METTL15: variants seen among roughly 807,000 people sequenced by gnomAD.
The protein encoded by METTL15 is methyltransferase 15, mitochondrial 12S rRNA N4-cytidine, also known as 12S rRNA N(4)-cytidine methyltransferase METTL15.
In METTL15, 34 loss-of-function variants were observed where a neutral mutation model predicts 38.3. The ratio of observed to expected loss-of-function variants is 0.89; its 90% CI spans 0.68 to 1.18. The LOEUF is 1.18. Among genes scored for constraint, METTL15 ranks in the 50% most tolerant of loss-of-function variants. The pLI, the probability that METTL15 is intolerant of heterozygous loss-of-function variation, is 0.00. For synonymous variants in METTL15, 162 were observed against 170.9 expected (o/e 0.95, Z 0.41); for missense variants, 438 against 498.4 (o/e 0.88, Z 1.15).
intron 3 of METTL15, among the ~76,000 whole-genome samples, chr11:28,140,136 G>T (rs532449676): frequency 4.6e-5 from 7 of 152,312 alleles, no homozygotes; most frequent in African/African-American, 1.7e-4. Context: ...GTGGCCCTTG[G>T]GGTGGGGGTG....
chr11:28,441,948 A>G (rs538771755), intron 6 of METTL15, among the ~76,000 whole-genome samples: 4 of 152,206 alleles, frequency 2.6e-5, no homozygotes, highest in Non-Finnish European at 4.4e-5. Context: ...AAATGTTCCA[A>G]GATGCTTTTT....
chr11:28,160,265 AATATATATATTCCATT>A (rs1037510559), intron 3 of METTL15, among the ~76,000 whole-genome samples: 6 of 151,922 alleles, frequency 3.9e-5, no homozygotes, highest in Non-Finnish European at 8.8e-5. Flanking sequence ...TCGTTATTGG[AATATATATATTCCATT>A]ATATATATAT....
At chr11:28,190,108 G>C (rs1024878720) in intron 3 of METTL15, among the ~76,000 whole-genome samples, 1 of 151,006 alleles carries the variant, frequency 6.6e-6, no homozygotes, top group Non-Finnish European at 1.5e-5. Flanking sequence ...TTGATTTAGT[G>C]CTGTTTATTA....
At chr11:28,501,049 T>C (rs1226779171) in intron 6 of METTL15, among the ~76,000 whole-genome samples, 1 of 152,218 alleles carries the variant, frequency 6.6e-6, no homozygotes, top group East Asian at 1.9e-4. Context: ...ATTCTCATAT[T>C]CCCACTATCC....
chr11:28,410,973 C>A (rs1460940759), intron 5 of METTL15, among the ~76,000 whole-genome samples: 3 of 151,744 alleles, frequency 2.0e-5, no homozygotes, highest in African/African-American at 7.3e-5. Context: ...ATACAAACAA[C>A]CTTGCTAAAG....
At chr11:28,174,835 A>T (rs1221998925) in intron 3 of METTL15, among the ~76,000 whole-genome samples, 6 of 151,136 alleles carry the variant, frequency 4.0e-5, no homozygotes. Context: ...AAAAAACATA[A>T]AAAAGCAAAA....
intron 3 of METTL15, among the ~76,000 whole-genome samples, chr11:28,115,186 C>G (rs955064382): frequency 6.6e-6 from 1 of 152,114 alleles, no homozygotes; most frequent in South Asian, 2.1e-4. Flanking sequence ...CAAAAAATTA[C>G]TAATAACCTA....
At chr11:28,140,049 T>G (rs560167006) in intron 3 of METTL15, among the ~76,000 whole-genome samples, 2 of 152,138 alleles carry the variant, frequency 1.3e-5, no homozygotes, top group Non-Finnish European at 2.9e-5. Flanking sequence ...TGTGCAGACA[T>G]GTCCATACAC....
chr11:28,147,886 A>G (rs565419168), intron 3 of METTL15, among the ~76,000 whole-genome samples: 3 of 151,892 alleles, frequency 2.0e-5, no homozygotes, highest in Admixed American at 6.6e-5. Context: ...TTCAAAGGAC[A>G]TTATGAATGT....
chr11:28,112,212 G>C (rs1405607471), intron 2 of METTL15, among the ~76,000 whole-genome samples: 5 of 152,098 alleles, frequency 3.3e-5, no homozygotes, highest in Non-Finnish European at 7.4e-5. Flanking sequence ...GGTTTTTGGT[G>C]GGGTCAGTCA....
At chr11:28,444,095 G>A (rs1851056631) in intron 6 of METTL15, among the ~76,000 whole-genome samples, 1 of 152,034 alleles carries the variant, frequency 6.6e-6, no homozygotes, top group African/African-American at 2.4e-5. Flanking sequence ...ATTTGTTTAT[G>A]CAACTCATTA....
chr11:28,238,439 C>T (rs1212675960), intron 4 of METTL15, among the ~76,000 whole-genome samples: 4 of 152,190 alleles, frequency 2.6e-5, no homozygotes, highest in Non-Finnish European at 2.9e-5. Context: ...CCTGGTGCGC[C>T]GTTTCCTAAG....
intron 4 of METTL15, among the ~76,000 whole-genome samples, chr11:28,247,642 T>G (rs1339975536): frequency 1.3e-5 from 2 of 152,132 alleles, no homozygotes; most frequent in Non-Finnish European, 2.9e-5. Flanking sequence ...AAACTGAGCT[T>G]CTTGTGGGGA....
At chr11:28,405,382 A>AT (rs1247619824) in intron 5 of METTL15, among the ~76,000 whole-genome samples, 1 of 152,194 alleles carries the variant, frequency 6.6e-6, no homozygotes, top group Admixed American at 6.5e-5. Flanking sequence ...CATTAAACTT[A>AT]TTCTAACTTA....
intron 4 of METTL15, among the ~76,000 whole-genome samples, chr11:28,221,038 C>G (rs1218450372): frequency 6.6e-6 from 1 of 152,080 alleles, no homozygotes; most frequent in Admixed American, 6.6e-5. Flanking sequence ...AGTTATGTGT[C>G]TTGGAGTTGC....
intron 6 of METTL15, among the ~76,000 whole-genome samples, chr11:28,505,505 A>G (rs576424428): frequency 3.3e-5 from 5 of 152,226 alleles, no homozygotes; most frequent in African/African-American, 1.2e-4. Flanking sequence ...CAAATCCATA[A>G]ACCATTTCCC....
At chr11:28,203,847 G>A (rs914653585) in intron 3 of METTL15, among the ~76,000 whole-genome samples, 1 of 151,988 alleles carries the variant, frequency 6.6e-6, no homozygotes, top group African/African-American at 2.4e-5. Context: ...TAAAAACATG[G>A]TGCAAAAGAG....
intron 6 of METTL15, among the ~76,000 whole-genome samples, chr11:28,490,055 G>A (rs1048533939): frequency 6.6e-6 from 1 of 152,098 alleles, no homozygotes; most frequent in African/African-American, 2.4e-5. Flanking sequence ...GGGAAGAAGG[G>A]GAGGAAGCAG....
At chr11:28,386,153 A>G (rs367842139) in intron 5 of METTL15, among the ~76,000 whole-genome samples, 2 of 152,206 alleles carry the variant, frequency 1.3e-5, no homozygotes, top group African/African-American at 4.8e-5. Flanking sequence ...TGTCACTACA[A>G]AAAATCAACA....
Sources: allele counts gnomAD v4.1 joint callset (sites outside exome capture counted in the v4.1 genomes callset), GRCh38; gene constraint gnomAD v4.1.1; transcripts MANE v1.5; gene names NCBI Gene and HGNC (gene_info 2026-07-23, HGNC 2026-07-21).